Variants in CHST11 observed in about 807,000 individuals in gnomAD.
The protein encoded by CHST11 is carbohydrate sulfotransferase 11.
In CHST11, 9 loss-of-function variants were observed where a neutral mutation model predicts 30.4. The observed-to-expected ratio is 0.30, with a 90% CI of 0.18 to 0.52. The LOEUF (loss-of-function observed/expected upper bound fraction) is 0.52. Ranked by LOEUF, CHST11 falls within the 20% of genes least tolerant of loss-of-function variation. The pLI is 0.97. For missense variants in CHST11, 348 were observed against 460.6 expected, an observed-to-expected ratio of 0.76 and a Z score of 2.24; for synonymous variants, 152 against 187.8, an observed-to-expected ratio of 0.81 and a Z score of 1.56.
At chr12:104,557,575 C>T (rs371750905) in intron 1 of CHST11, among the ~76,000 whole-genome samples, 2 of 151,844 alleles carry the variant, frequency 1.3e-5, no homozygotes, top group Admixed American at 6.6e-5. Flanking sequence ...GAGAGGAGGG[C>T]GGCTGGACAG....
At chr12:104,688,156 G>C (rs1327592253) in intron 2 of CHST11, among the ~76,000 whole-genome samples, 1 of 152,210 alleles carries the variant, frequency 6.6e-6, no homozygotes, top group Non-Finnish European at 1.5e-5. Context: ...GAAAACAATA[G>C]GGACCATTTT....
At chr12:104,687,072 G>C (rs745388936) in intron 2 of CHST11, among the ~76,000 whole-genome samples, 5 of 152,262 alleles carry the variant, frequency 3.3e-5, no homozygotes, top group Admixed American at 6.5e-5. Context: ...TGGTCCTTCT[G>C]TATAGATGCC....
At chr12:104,603,201 C>G (rs1222346122) in intron 2 of CHST11, among the ~76,000 whole-genome samples, 1 of 152,182 alleles carries the variant, frequency 6.6e-6, no homozygotes, top group African/African-American at 2.4e-5. Flanking sequence ...CACACACACC[C>G]TGTCCTAAGG....
chr12:104,629,347 A>G (rs1206000372), intron 2 of CHST11, among the ~76,000 whole-genome samples: 1 of 152,196 alleles, frequency 6.6e-6, no homozygotes, highest in Non-Finnish European at 1.5e-5. Context: ...TGAAGCTCAC[A>G]TGGTTGTTGG....
intron 1 of CHST11, among the ~76,000 whole-genome samples, chr12:104,573,593 A>G (rs2038651861): frequency 6.6e-6 from 1 of 152,242 alleles, no homozygotes; most frequent in Non-Finnish European, 1.5e-5. Flanking sequence ...AAACCTGACA[A>G]AAGCAAGAAA....
At chr12:104,477,758 T>C (rs1234127502) in intron 1 of CHST11, among the ~76,000 whole-genome samples, 1 of 152,144 alleles carries the variant, frequency 6.6e-6, no homozygotes, top group Non-Finnish European at 1.5e-5. Context: ...ACAAGCCACC[T>C]AGTGCAGGAT....
chr12:104,465,370 G>C lies in CHST11; in HGVS notation c.118+7841G>C, dbSNP rs139425081. On this transcript the variant is annotated intron_variant, in intron 1 of 2. Coordinates refer to ENST00000303694, the MANE Select transcript of CHST11 (RefSeq NM_018413.6). ...GGTTAAGAGTTAGAATGGGGAGGGTGGGAAGTAAGTGATTTAACTTGAGGC... is the reference window on the plus strand; with the variant it reads ...GGTTAAGAGTTAGAATGGGGAGGGTCGGAAGTAAGTGATTTAACTTGAGGC... 7.2e-5 allele frequency among the ~76,000 whole-genome samples: 11 copies of C among 152,292 alleles called. No homozygotes were observed. The East Asian group carries it at 2.1e-3, about 29-fold the overall frequency.
chr12:104,665,849 C>G (rs2039637628), intron 2 of CHST11, among the ~76,000 whole-genome samples: 1 of 100,484 alleles, frequency 1.0e-5, no homozygotes, highest in African/African-American at 3.9e-5. Context: ...GAGACGGAAT[C>G]TTGCTCTGTC....
chr12:104,720,540 C>T (rs1400944969), intron 2 of CHST11, among the ~76,000 whole-genome samples: 1 of 152,144 alleles, frequency 6.6e-6, no homozygotes. Flanking sequence ...CGGGGTCTCC[C>T]CAGGACCACG....
intron 2 of CHST11, among the ~76,000 whole-genome samples, chr12:104,750,856 T>C (rs982882148): frequency 9.2e-5 from 14 of 152,156 alleles, no homozygotes. Flanking sequence ...ATTTTAAAAT[T>C]AAAAAATTAT....
intron 2 of CHST11, among the ~76,000 whole-genome samples, chr12:104,742,226 G>A (rs911012549): frequency 6.6e-6 from 1 of 152,176 alleles, no homozygotes; most frequent in Non-Finnish European, 1.5e-5. Context: ...AGAATATTCT[G>A]GTCAGTCTGG....
At chr12:104,506,102 A>T (rs1171089122) in intron 1 of CHST11, among the ~76,000 whole-genome samples, 1 of 152,210 alleles carries the variant, frequency 6.6e-6, no homozygotes, top group African/African-American at 2.4e-5. Context: ...AACAAAAGTG[A>T]CTGTGGAAGG....
At chr12:104,741,368 A>G (rs1165544169) in intron 2 of CHST11, among the ~76,000 whole-genome samples, 1 of 152,194 alleles carries the variant, frequency 6.6e-6, no homozygotes, top group African/African-American at 2.4e-5. Flanking sequence ...CCTTCCTCTC[A>G]CTGGAAGCAT....
intron 2 of CHST11, among the ~76,000 whole-genome samples, chr12:104,613,768 A>T (rs1490661736): frequency 4.6e-5 from 7 of 152,342 alleles, no homozygotes; most frequent in African/African-American, 1.4e-4. Context: ...ATGGACTAAT[A>T]CAGGGACAGT....
chr12:104,505,429 T>C (rs1167337719), intron 1 of CHST11, among the ~76,000 whole-genome samples: 4 of 152,124 alleles, frequency 2.6e-5, no homozygotes, highest in African/African-American at 9.7e-5. Context: ...TTAACTGCAC[T>C]CACTGGGTCC....
intron 2 of CHST11, among the ~76,000 whole-genome samples, chr12:104,738,752 T>A (rs10861274): frequency 2.0e-5 from 3 of 152,174 alleles, no homozygotes; most frequent in South Asian, 4.1e-4. Context: ...CTGACACTAG[T>A]GTCTTCTCTT....
intron 1 of CHST11, among the ~76,000 whole-genome samples, chr12:104,493,212 T>C (rs1254096000): frequency 6.6e-6 from 1 of 152,198 alleles, no homozygotes; most frequent in East Asian, 1.9e-4. Context: ...TTGCAAGCAA[T>C]GCAGATGGCC....
intron 1 of CHST11, among the ~76,000 whole-genome samples, chr12:104,479,262 T>G (rs1487871870): frequency 6.6e-6 from 1 of 151,970 alleles, no homozygotes. Context: ...GCTGTGTCTG[T>G]CTCCTCATGG....
chr12:104,522,983 T>G (rs902660653), intron 1 of CHST11, among the ~76,000 whole-genome samples: 1 of 152,258 alleles, frequency 6.6e-6, no homozygotes, highest in East Asian at 1.9e-4. Context: ...TTTGTTGGGA[T>G]AGGTGGGGTA....
Sources: allele counts gnomAD v4.1 joint callset (sites outside exome capture counted in the v4.1 genomes callset), GRCh38; gene constraint gnomAD v4.1.1; transcripts MANE v1.5; gene names NCBI Gene and HGNC (gene_info 2026-07-23, HGNC 2026-07-21).